Variants in EPN1 observed in about 807,000 individuals in gnomAD.
The protein encoded by EPN1 is epsin 1, also known as epsin-1.
EPN1 carries 25 observed loss-of-function variants against 56.9 expected under a neutral mutation model. That is an observed-to-expected ratio of 0.44 (90% CI 0.32 to 0.61). EPN1 has a LOEUF of 0.61. EPN1 is among the 20% of genes least tolerant of loss of function. EPN1 has a pLI of 0.05. For synonymous variants in EPN1, 411 were observed against 361.8 expected, an observed-to-expected ratio of 1.14 and a Z score of -1.54; for missense variants, 785 against 823.7, an observed-to-expected ratio of 0.95 and a Z score of 0.58.
rs1412799301 is a variant in EPN1, at chr19:55,705,297, CACAAAA to C, written c.*9944_*9949del. On this transcript the variant is annotated 3_prime_UTR_variant, in exon 11 of 11. Transcript: ENST00000270460. Reference sequence around the variant, plus strand: ...GGCAACTTTTTTGCCTACGGAAACACACAAAAACGAAAACAAACCAATGAAAAAAAC... The same window carrying C: ...GGCAACTTTTTTGCCTACGGAAACACACGAAAACAAACCAATGAAAAAAAC... 2.0e-5 allele frequency: 3 copies of C among 152,108 alleles called. No homozygotes were observed. Among genetic ancestry groups the C allele is most frequent in the African/African-American group, 7.2e-5 (3 of 41,408 alleles). 9.4% of individuals were successfully genotyped at this position (152,108 alleles called of 1,614,324 possible). A position where few individuals can be genotyped will look rare whatever the true frequency, so the allele number is the denominator to read the frequency against.
rs1244301218 is a variant in EPN1, at chr19:55,695,141, C to T, written c.1523-7C>T. 4 of 1,613,604 alleles carry T rather than the reference C, an allele frequency of 2.5e-6. No homozygotes were observed. Among genetic ancestry groups the T allele is most frequent in the Non-Finnish European group, 3.4e-6 (4 of 1,179,800 alleles). The stretch of plus-strand genomic sequence containing the variant: ...CACTCCGTGTCTCTGGTTTACTCTT[C>T]CTGCAGGAGGCCCAGCCACTGGCCC... On this transcript the variant is annotated splice_polypyrimidine_tract_variant and splice_region_variant and intron_variant, in intron 10 of 10. Transcript: ENST00000270460. This position sits in a 1 kb window ranked among gnomAD's most constrained non-coding sequence, Gnocchi z 4.4.
chr19:55,679,550 C>T (rs73613277), intron 2 of EPN1, among the ~76,000 whole-genome samples: 2,773 of 152,306 alleles, frequency 0.018, 94 homozygotes, highest in African/African-American at 0.063. Flanking sequence ...GCAGAAGGCC[C>T]GCTCTGGGTG....
chr19:55,693,612 A>T (rs1327532239), intron 9 of EPN1, among the ~76,000 whole-genome samples: 1 of 152,198 alleles, frequency 6.6e-6, no homozygotes, highest in Admixed American at 6.5e-5. Context: ...ATAGTGGGCC[A>T]CTGGTGCTTC....
chr19:55,683,046 C>T (rs936646967), intron 2 of EPN1, among the ~76,000 whole-genome samples: 15 of 149,952 alleles, frequency 1.0e-4, no homozygotes, highest in Non-Finnish European at 1.8e-4. Flanking sequence ...TGAGCCACCG[C>T]GCCCAGCCTG....
At chr19:55,687,141 A>G (rs749273460) in intron 3 of EPN1, among the ~76,000 whole-genome samples, 2 of 152,116 alleles carry the variant, frequency 1.3e-5, no homozygotes, top group African/African-American at 2.4e-5. Context: ...GGGTACTCTG[A>G]ATTTTCGCCC....
rs1987327885 is a variant in EPN1, at chr19:55,705,056, A to G, written c.*9700A>G. The G allele has an allele frequency of 6.6e-6, 1 of 152,290 alleles. No individual in the cohort carries two copies. Among genetic ancestry groups the G allele is most frequent in the Non-Finnish European group, 1.5e-5 (1 of 68,078 alleles). The allele number at this position is 152,290 out of a possible 1,614,324, so 9.4% of individuals were successfully genotyped here. On this transcript the variant is annotated 3_prime_UTR_variant, in exon 11 of 11. Coordinates refer to ENST00000270460, the MANE Select transcript of EPN1 (RefSeq NM_001130072.2). ...GCCTGGGCAGACTCGCAGTTCTGCC[A>G]CACAGTGAATGTGCTACTCAAGCCA...
rs1335826346 is a variant in EPN1 at position 55,704,658 on chromosome 19, C to T, written c.*9302C>T. On this transcript the variant is annotated 3_prime_UTR_variant, in exon 11 of 11. Transcript: ENST00000270460. ...ACTGTCTGGGGGAAGGCACACACAC[C>T]CCACAGCACCCTTGCTGTCTCACCC... 6.6e-6 allele frequency: 1 copy of T among 152,356 alleles called. No homozygotes were observed. Among genetic ancestry groups the T allele is most frequent in the African/African-American group, 2.4e-5 (1 of 41,442 alleles). 9.4% of individuals were successfully genotyped at this position (152,356 alleles called of 1,614,324 possible). A position where few individuals can be genotyped will look rare whatever the true frequency, so the allele number is the denominator to read the frequency against.
intron 2 of EPN1, among the ~76,000 whole-genome samples, chr19:55,683,031 A>G (rs1286403368): frequency 6.6e-6 from 1 of 151,386 alleles, no homozygotes; most frequent in Non-Finnish European, 1.5e-5. Flanking sequence ...CTGGGATTAC[A>G]GGTGTGAGCC....
In EPN1 at chr19:55,691,830, C is replaced by A; in HGVS notation, c.839C>A (p.Ala280Glu). 1 of 1,609,302 alleles carries A rather than the reference C, an allele frequency of 6.2e-7. No individual in the cohort carries two copies. The highest frequency in any genetic ancestry group is 8.5e-7 in the Non-Finnish European group (1 of 1,177,184). ...ACCACAGACCCCTGGGGGGGCCCAG[C>A]ACCCATGGCTGCTGCCGTCCCCACG... ...APTTDPWGGP[A>E]PMAAAVPTAA... The change falls in exon 7 of 11, where the codon GCA (alanine) becomes GAA (glutamate). Residue 280 changes from alanine (A) to glutamate (E), a missense_variant. By Grantham distance (107) the Ala-to-Glu change is moderately radical. Coordinates refer to ENST00000270460, the MANE Select transcript of EPN1 (RefSeq NM_001130072.2). The surrounding 1 kb of genome is among the most constrained non-coding windows in gnomAD (Gnocchi z 5.6).
rs1013190550 is a variant in EPN1, at chr19:55,703,452, T to C, written c.*8096T>C. On this transcript the variant is annotated 3_prime_UTR_variant, in exon 11 of 11. Coordinates refer to ENST00000270460, the MANE Select transcript of EPN1 (RefSeq NM_001130072.2). ...GATTCTCCTGCTTCAGCCTCTCAAG[T>C]AGCTGGGATTACAGGTGCCCGCCAC... 6.6e-6 allele frequency: 1 copy of C among 152,318 alleles called. No individual in the cohort carries two copies. The highest frequency in any genetic ancestry group is 2.4e-5 in the African/African-American group (1 of 41,430). 9.4% of individuals were successfully genotyped at this position (152,318 alleles called of 1,614,324 possible). A position where few individuals can be genotyped will look rare whatever the true frequency, so the allele number is the denominator to read the frequency against.
In EPN1 at chr19:55,702,817, C is replaced by CG. The variant is rs1987207506; in HGVS notation, c.*7463dup. ...TTTCACTGTTGTTTTTTTTTTGAGA[C>CG]GGAGTCTTGCACTGTCACCCAGGCT... is the stretch of plus-strand genomic sequence containing the variant. On this transcript the variant is annotated 3_prime_UTR_variant, in exon 11 of 11. Transcript: ENST00000270460. 6.6e-6 allele frequency: 1 copy of CG among 150,926 alleles called. No homozygotes were observed. Among genetic ancestry groups the CG allele is most frequent in the Non-Finnish European group, 1.5e-5 (1 of 67,820 alleles). 9.3% of individuals were successfully genotyped at this position (150,926 alleles called of 1,614,324 possible).
At position 55,692,814 on chromosome 19, in the gene EPN1, G is replaced by A. The variant is rs1374073894; in HGVS notation, c.1177+18G>A. The A allele has an allele frequency of 1.9e-6, 3 of 1,589,166 alleles. No individual in the cohort carries two copies. Among genetic ancestry groups the A allele is most frequent in the Non-Finnish European group, 2.6e-6 (3 of 1,163,444 alleles). ...CACAACAGGTACTGGAATGGGGGTG[G>A]GAATGGAGCCCCGGGTGGGAGTGAG... On this transcript the variant is annotated intron_variant, in intron 8 of 10. Transcript: ENST00000270460.
At position 55,701,125 on chromosome 19, in the gene EPN1, T is replaced by C. The variant is rs1224872512; in HGVS notation, c.*5769T>C. Reference sequence around the variant, plus strand: ...GATGCTGGACTCGGTGCTTGAAACATGTCCTGACAGCCACATGAAAAGGGT... The same window carrying C: ...GATGCTGGACTCGGTGCTTGAAACACGTCCTGACAGCCACATGAAAAGGGT... On this transcript the variant is annotated 3_prime_UTR_variant, in exon 11 of 11. Transcript: ENST00000270460. 1.3e-5 allele frequency: 2 copies of C among 152,138 alleles called. No homozygotes were observed. The highest frequency in any genetic ancestry group is 4.8e-5 in the African/African-American group (2 of 41,424). The allele number at this position is 152,138 out of a possible 1,614,324, so 9.4% of individuals were successfully genotyped here. A position where few individuals can be genotyped will look rare whatever the true frequency, so the allele number is the denominator to read the frequency against.
Position 55,695,570 on chromosome 19 carries a change from G to A in EPN1, c.*214G>A. ...TGGGGAGGGGAGCTGGCCAGAGGAGGACCCCTTTCCCGTGGCATTAGAAGG... is the reference window on the plus strand; with the variant it reads ...TGGGGAGGGGAGCTGGCCAGAGGAGAACCCCTTTCCCGTGGCATTAGAAGG... On this transcript the variant is annotated 3_prime_UTR_variant, in exon 11 of 11. Transcript: ENST00000270460. This position sits in a 1 kb window ranked among gnomAD's most constrained non-coding sequence, Gnocchi z 4.4. 2 of 554,550 alleles carry A rather than the reference G, an allele frequency of 3.6e-6. No homozygotes were observed. Among genetic ancestry groups the A allele is most frequent in the Non-Finnish European group, 6.4e-6 (2 of 313,500 alleles). The allele number at this position is 554,550 out of a possible 1,614,324, so 34.4% of individuals were successfully genotyped here. A position where few individuals can be genotyped will look rare whatever the true frequency, so the allele number is the denominator to read the frequency against.
At chr19:55,692,590 T>G in intron 7 of EPN1, 96 bp from the exon 8 acceptor site, 2 of 796,960 alleles carry the variant, frequency 2.5e-6, no homozygotes, top group Admixed American at 3.2e-5. Context: ...AGGGGGGCTT[T>G]TGTGTGAACA....
In EPN1 at chr19:55,689,097, T is replaced by A. The variant is rs1986363214; in HGVS notation, c.603+103T>A. On this transcript the variant is annotated intron_variant, in intron 4 of 10. Coordinates refer to ENST00000270460, the MANE Select transcript of EPN1 (RefSeq NM_001130072.2). This position sits in a 1 kb window ranked among gnomAD's most constrained non-coding sequence, Gnocchi z 5.7. ...TGGGCCTGGCCCTCACTGTCGCTGC[T>A]CCACATGCTGTCACTCGTCTCCTCC... 7.0e-7 allele frequency: 1 copy of A among 1,424,836 alleles called. No homozygotes were observed. The highest frequency in any genetic ancestry group is 9.3e-7 in the Non-Finnish European group (1 of 1,073,858). 88.3% of individuals were successfully genotyped at this position (1,424,836 alleles called of 1,614,324 possible). A position where few individuals can be genotyped will look rare whatever the true frequency, so the allele number is the denominator to read the frequency against.
intron 1 of EPN1, chr19:55,677,009 A>G (rs2122155040): frequency 1.8e-6 from 2 of 1,133,424 alleles, no homozygotes; most frequent in South Asian, 1.6e-5. Context: ...TTGGGACTCC[A>G]GAGAGTTACT....
intron 1 of EPN1, chr19:55,677,199 C>T: frequency 6.5e-7 from 1 of 1,532,726 alleles, no homozygotes. Flanking sequence ...GCTCTGGAAC[C>T]AGGCTGCTCC....
rs949434438 is a variant in EPN1, at chr19:55,706,531, A to G, written c.*11175A>G. Reference sequence around the variant, plus strand: ...GCCGGGCATGATGGCAGATGCCTGTAATCTCAGCTCCTCAGTAGGCTAAGG... The same window carrying G: ...GCCGGGCATGATGGCAGATGCCTGTGATCTCAGCTCCTCAGTAGGCTAAGG... On this transcript the variant is annotated 3_prime_UTR_variant, in exon 11 of 11. Coordinates refer to ENST00000270460, the MANE Select transcript of EPN1 (RefSeq NM_001130072.2). 1.3e-5 allele frequency: 2 copies of G among 151,886 alleles called. No homozygotes were observed. Among genetic ancestry groups the G allele is most frequent in the Non-Finnish European group, 2.9e-5 (2 of 68,048 alleles). 9.4% of individuals were successfully genotyped at this position (151,886 alleles called of 1,614,324 possible). A position where few individuals can be genotyped will look rare whatever the true frequency, so the allele number is the denominator to read the frequency against.
Sources: gnomAD v4.1 joint callset for allele counts (sites outside exome capture counted in the v4.1 genomes callset) on GRCh38, gnomAD v4.1.1 for gene constraint, Gnocchi (gnomAD v3.1) non-coding constraint, MANE v1.5 for transcripts, NCBI Gene and HGNC (gene_info 2026-07-23, HGNC 2026-07-21) for gene names.